The following ERBB4 variants were observed in gnomAD, a reference collection of about 807,000 sequenced individuals.
The protein encoded by ERBB4 is erb-b2 receptor tyrosine kinase 4.
ERBB4 carries 42 observed loss-of-function variants against 158.0 expected under a neutral mutation model. The ratio of observed to expected loss-of-function variants is 0.27; its 90% CI spans 0.21 to 0.34. The LOEUF is 0.34. ERBB4 is among the 10% of genes least tolerant of loss of function. The probability of loss-of-function intolerance (pLI) is 1.00; values close to 1 mark genes in which losing one functional copy is unlikely to be tolerated. For missense variants in ERBB4, 1,333 were observed against 1,624.1 expected (o/e 0.82, Z 3.08); for synonymous variants, 583 against 558.7 (o/e 1.04, Z -0.61).
At chr2:212,514,014 C>T (rs1691680996) in intron 1 of ERBB4, among the ~76,000 whole-genome samples, 2 of 152,040 alleles carry the variant, frequency 1.3e-5, no homozygotes, top group Non-Finnish European at 2.9e-5. Flanking sequence ...TCTTAAATAG[C>T]TCCAAGTCAT....
chr2:212,330,903 T>C (rs2088107837), intron 1 of ERBB4, among the ~76,000 whole-genome samples: 1 of 151,144 alleles, frequency 6.6e-6, no homozygotes, highest in Non-Finnish European at 1.5e-5. Context: ...GAATCATATA[T>C]ATATGGCTCA....
chr2:212,082,197 A>G (rs1405648951), intron 2 of ERBB4, among the ~76,000 whole-genome samples: 1 of 152,136 alleles, frequency 6.6e-6, no homozygotes, highest in Admixed American at 6.6e-5. Flanking sequence ...AGTGTTTACT[A>G]TGTCCAGCTT....
chr2:211,632,065 TATA>T (rs1258346495), intron 16 of ERBB4, among the ~76,000 whole-genome samples: 4 of 152,034 alleles, frequency 2.6e-5, no homozygotes, highest in Non-Finnish European at 4.4e-5. Flanking sequence ...TATATTGTCA[TATA>T]AAACTGCAGA....
intron 3 of ERBB4, among the ~76,000 whole-genome samples, chr2:211,827,913 T>C (rs2077137828): frequency 6.6e-6 from 1 of 152,166 alleles, no homozygotes; most frequent in South Asian, 2.1e-4. Context: ...ATAAGACACA[T>C]TCATGATCAT....
intron 4 of ERBB4, among the ~76,000 whole-genome samples, chr2:211,787,022 G>T (rs560662707): frequency 1.3e-5 from 2 of 152,196 alleles, no homozygotes; most frequent in Non-Finnish European, 2.9e-5. Flanking sequence ...AAACACAGCT[G>T]TCAGTTTTGA....
intron 1 of ERBB4, among the ~76,000 whole-genome samples, chr2:212,159,803 G>A (rs774359794): frequency 2.0e-5 from 3 of 151,866 alleles, no homozygotes; most frequent in Non-Finnish European, 2.9e-5. Flanking sequence ...GAAATGCTAC[G>A]TACATCCATA....
chr2:211,917,110 T>C (rs2079715827), intron 3 of ERBB4, among the ~76,000 whole-genome samples: 1 of 152,178 alleles, frequency 6.6e-6, no homozygotes, highest in African/African-American at 2.4e-5. Context: ...GCAAATATTC[T>C]ACGGGGAACA....
At chr2:211,711,211 G>A (rs988635532) in intron 9 of ERBB4, among the ~76,000 whole-genome samples, 1 of 151,978 alleles carries the variant, frequency 6.6e-6, no homozygotes, top group Admixed American at 6.6e-5. Context: ...TATTGTTCTT[G>A]CCATTCCTAT....
intron 19 of ERBB4, among the ~76,000 whole-genome samples, chr2:211,579,913 C>T (rs1479672596): frequency 1.3e-5 from 2 of 152,022 alleles, no homozygotes; most frequent in African/African-American, 2.4e-5. Context: ...CATTAACCTA[C>T]GTAACCTACG....
intron 20 of ERBB4, among the ~76,000 whole-genome samples, chr2:211,452,512 C>T (rs1043205059): frequency 2.6e-5 from 4 of 152,150 alleles, no homozygotes; most frequent in Admixed American, 6.6e-5. Context: ...TATTTCTTAC[C>T]ATTTTCTTCA....
intron 3 of ERBB4, among the ~76,000 whole-genome samples, chr2:211,864,927 C>T (rs996739367): frequency 1.3e-5 from 2 of 152,134 alleles, no homozygotes; most frequent in African/African-American, 2.4e-5. Flanking sequence ...AGGAGAATCA[C>T]TTGAATCTTG....
intron 1 of ERBB4, among the ~76,000 whole-genome samples, chr2:212,491,108 T>C (rs950665376): frequency 2.3e-4 from 35 of 151,630 alleles, no homozygotes; most frequent in African/African-American, 8.2e-4. Context: ...AGGCTGTCTC[T>C]GTAACTAAAT....
chr2:212,202,128 T>G (rs749203134), intron 1 of ERBB4, among the ~76,000 whole-genome samples: 28 of 152,186 alleles, frequency 1.8e-4, no homozygotes, highest in Non-Finnish European at 1.6e-4. Flanking sequence ...TAAATCCATT[T>G]AAGCAAATAC....
At chr2:211,549,014 G>A (rs2067013031) in intron 20 of ERBB4, among the ~76,000 whole-genome samples, 2 of 151,970 alleles carry the variant, frequency 1.3e-5, no homozygotes, top group Admixed American at 6.6e-5. Context: ...CTTTTGGGCT[G>A]GGTTCTCTCT....
intron 1 of ERBB4, among the ~76,000 whole-genome samples, chr2:212,436,794 AC>A (rs2092145834): frequency 6.6e-6 from 1 of 152,166 alleles, no homozygotes; most frequent in African/African-American, 2.4e-5. Flanking sequence ...CCTTTCTCAA[AC>A]CAAAGAGACT....
intron 25 of ERBB4, among the ~76,000 whole-genome samples, chr2:211,416,576 T>A (rs924437023): frequency 3.3e-5 from 5 of 152,302 alleles, no homozygotes; most frequent in Non-Finnish European, 5.9e-5. Context: ...TTGCAGGAAG[T>A]CAGATTGCTA....
intron 19 of ERBB4, among the ~76,000 whole-genome samples, chr2:211,606,554 A>G (rs997023427): frequency 1.3e-5 from 2 of 152,126 alleles, no homozygotes; most frequent in African/African-American, 4.8e-5. Flanking sequence ...TCTCAAAAGT[A>G]TAAAGATACA....
intron 9 of ERBB4, among the ~76,000 whole-genome samples, chr2:211,709,398 C>T (rs1290162554): frequency 3.3e-5 from 5 of 151,096 alleles, no homozygotes; most frequent in African/African-American, 1.2e-4. Flanking sequence ...AATAACTATT[C>T]TGAACCTCAC....
chr2:212,388,063 G>A lies in ERBB4; in HGVS notation c.82+150386C>T, dbSNP rs1401120321. On this transcript the variant is annotated intron_variant, in intron 1 of 27. Coordinates refer to ENST00000342788, the MANE Select transcript of ERBB4 (RefSeq NM_005235.3). ...ACCTTCTTGAATATGCCGTTAGAGA[G>A]AATATAATGCTTCTATATAGATCCC... Among the ~76,000 whole-genome samples the A allele has an allele frequency of 2.4e-4, 37 of 152,008 alleles. 1 individual carries two copies. The highest frequency in any genetic ancestry group is 2.4e-3 in the Admixed American group (37 of 15,230).
Sources: allele counts gnomAD v4.1 joint callset (sites outside exome capture counted in the v4.1 genomes callset), GRCh38; gene constraint gnomAD v4.1.1; transcripts MANE v1.5; gene names NCBI Gene and HGNC (gene_info 2026-07-23, HGNC 2026-07-21).